RAB3GAP2: variants seen among roughly 807,000 people sequenced by gnomAD.
RAB3GAP2 encodes rab3 GTPase-activating protein non-catalytic subunit.
Under a neutral mutation model 185.3 loss-of-function variants are expected in RAB3GAP2, and 87 were observed. The ratio of observed to expected loss-of-function variants is 0.47; its 90% confidence interval spans 0.39 to 0.56. The LOEUF is 0.56. Among genes scored for constraint, RAB3GAP2 ranks in the 20% least tolerant of loss-of-function variants. The pLI is 0.00. For missense variants in RAB3GAP2, 1,492 were observed against 1,638.2 expected (o/e 0.91, Z 1.54); for synonymous variants, 554 against 576.1 (o/e 0.96, Z 0.55).
intron 2 of RAB3GAP2, among the ~76,000 whole-genome samples, chr1:220,217,329 C>T (rs1268645132): frequency 6.6e-6 from 1 of 152,032 alleles, no homozygotes; most frequent in Admixed American, 6.6e-5. Context: ...TTCTTTGAGT[C>T]GATTTACAGC....
intron 1 of RAB3GAP2, among the ~76,000 whole-genome samples, chr1:220,249,287 G>A (rs1659886295): frequency 6.6e-6 from 1 of 152,162 alleles, no homozygotes; most frequent in African/African-American, 2.4e-5. Context: ...AATGGTGACA[G>A]TGATAAGGAC....
chr1:220,227,162 T>C (rs533319374), intron 2 of RAB3GAP2, among the ~76,000 whole-genome samples: 2 of 152,356 alleles, frequency 1.3e-5, no homozygotes, highest in South Asian at 4.1e-4. Context: ...GAAATAGCTA[T>C]AGCAGAAAGA....
chr1:220,218,017 G>C (rs1339632644), intron 2 of RAB3GAP2, among the ~76,000 whole-genome samples: 1 of 152,158 alleles, frequency 6.6e-6, no homozygotes, highest in Admixed American at 6.5e-5. Context: ...ATTGGAAATA[G>C]ATGTCACTTG....
At chr1:220,187,659 T>G (rs561814516) in intron 17 of RAB3GAP2, among the ~76,000 whole-genome samples, 2 of 152,098 alleles carry the variant, frequency 1.3e-5, no homozygotes, top group African/African-American at 4.8e-5. Context: ...AGCTTCTGGA[T>G]AGCTGAACGT....
rs531885396 is a variant in RAB3GAP2 at position 220,226,240 on chromosome 1, G to T, written c.180+6559C>A. Among the ~76,000 whole-genome samples, 45 of 152,034 alleles carry T rather than the reference G, an allele frequency of 3.0e-4. No homozygotes were observed. The East Asian group carries it at 8.5e-3, about 29-fold the overall frequency. On this transcript the variant is annotated intron_variant, in intron 2 of 34. Coordinates refer to ENST00000358951, the MANE Select transcript of RAB3GAP2 (RefSeq NM_012414.4). The stretch of plus-strand genomic sequence containing the variant: ...CCCAAGTCTATACTTCCTACCATTG[G>T]CCTTAATACACCAATGAAGGAAAGT...
intron 33 of RAB3GAP2, among the ~76,000 whole-genome samples, chr1:220,152,421 A>G (rs1657774719): frequency 6.6e-6 from 1 of 152,206 alleles, no homozygotes; most frequent in Non-Finnish European, 1.5e-5. Flanking sequence ...ATGGGCTCCG[A>G]GACCTAGGAT....
chr1:220,189,208 G>C (rs2102868601), intron 17 of RAB3GAP2, among the ~76,000 whole-genome samples: 1 of 151,672 alleles, frequency 6.6e-6, no homozygotes, highest in South Asian at 2.1e-4. Flanking sequence ...TATATATAAT[G>C]TAGGGATGTG....
chr1:220,245,400 T>G (rs553221614), intron 1 of RAB3GAP2, among the ~76,000 whole-genome samples: 136 of 152,244 alleles, frequency 8.9e-4, no homozygotes, highest in East Asian at 4.7e-3. Context: ...TCAAAGAAAG[T>G]GGTGACGGAA....
At chr1:220,178,081 T>G (rs1376939112) in intron 21 of RAB3GAP2, among the ~76,000 whole-genome samples, 1 of 152,076 alleles carries the variant, frequency 6.6e-6, no homozygotes, top group African/African-American at 2.4e-5. Flanking sequence ...ATAGATCCAA[T>G]ATGCTTGGTA....
At chr1:220,229,086 G>A (rs1659453716) in intron 2 of RAB3GAP2, among the ~76,000 whole-genome samples, 2 of 152,128 alleles carry the variant, frequency 1.3e-5, no homozygotes, top group Admixed American at 1.3e-4. Context: ...TGCTTTACAG[G>A]TCAGATATAA....
At position 220,210,440 on chromosome 1, in the gene RAB3GAP2, T is replaced by G; in HGVS notation, c.560A>C (p.Gln187Pro). The change falls in exon 7 of 35, where the codon CAA (glutamine) becomes CCA (proline). Residue 187 changes from glutamine (Q) to proline (P), a missense_variant. By Grantham distance (76) the Gln-to-Pro change is moderately conservative. Transcript: ENST00000358951. ...AQLLNEDPVL[Q>P]LKCRTYEIPR... ...TATTTCATAGGTTCTGCATTTAAGT[T>G]GAAGTACTGGGTCCTCATTCAAAAG... The G allele has an allele frequency of 6.2e-7, 1 of 1,614,130 alleles. No individual in the cohort carries two copies. Among genetic ancestry groups the G allele is most frequent in the Non-Finnish European group, 8.5e-7 (1 of 1,179,982 alleles).
intron 1 of RAB3GAP2, chr1:220,267,595 T>C (rs1660252549): frequency 1.5e-6 from 2 of 1,373,786 alleles, no homozygotes; most frequent in Non-Finnish European, 2.1e-6. Flanking sequence ...TCAGGATTAT[T>C]TTCAGGTGCC....
intron 13 of RAB3GAP2, among the ~76,000 whole-genome samples, chr1:220,192,633 G>C (rs76848176): frequency 0.067 from 10,269 of 152,266 alleles, 475 homozygotes; most frequent in Middle Eastern, 0.11. Context: ...CAGTTGCCAG[G>C]AGAAGCCTTC....
chr1:220,261,806 G>A (rs1316036125), intron 1 of RAB3GAP2, among the ~76,000 whole-genome samples: 4 of 152,130 alleles, frequency 2.6e-5, no homozygotes, highest in Admixed American at 2.0e-4. Flanking sequence ...GCCCATAGCA[G>A]AGATTCTTAG....
At chr1:220,178,021 A>C (rs914249699) in intron 21 of RAB3GAP2, among the ~76,000 whole-genome samples, 3 of 152,206 alleles carry the variant, frequency 2.0e-5, no homozygotes, top group Non-Finnish European at 2.9e-5. Flanking sequence ...GTCAAAGACA[A>C]AGAGAGAATT....
intron 1 of RAB3GAP2, among the ~76,000 whole-genome samples, chr1:220,261,389 A>T (rs1051741725): frequency 1.3e-5 from 2 of 152,236 alleles, no homozygotes; most frequent in Non-Finnish European, 2.9e-5. Flanking sequence ...CACTGTGTAT[A>T]CTATAAAATA....
chr1:220,202,462 T>C, intron 8 of RAB3GAP2, 88 bp from the exon 9 acceptor site: 1 of 1,361,200 alleles, frequency 7.3e-7, no homozygotes, highest in African/African-American at 1.4e-5. Context: ...TAATTTGTTA[T>C]TCTAAAATTT....
chr1:220,188,734 T>C (rs1196036261), intron 17 of RAB3GAP2, among the ~76,000 whole-genome samples: 2 of 152,170 alleles, frequency 1.3e-5, no homozygotes, highest in Admixed American at 6.5e-5. Context: ...AGGAAATATG[T>C]ACATGGATAA....
At position 220,222,514 on chromosome 1, in the gene RAB3GAP2, T is replaced by C. The variant is rs572843013; in HGVS notation, c.181-8535A>G. On this transcript the variant is annotated intron_variant, in intron 2 of 34. Transcript: ENST00000358951. The stretch of plus-strand genomic sequence containing the variant: ...GAAAGACATGAACTCTTTCTAAATT[T>C]GATTTGAAGGGGCCCAAAGGAATTC... Among the ~76,000 whole-genome samples, 32 of 152,300 alleles carry C rather than the reference T, an allele frequency of 2.1e-4. 1 individual carries two copies. Among genetic ancestry groups the C allele is most frequent in the Non-Finnish European group, 4.1e-4 (28 of 68,024 alleles).
Sources: allele counts gnomAD v4.1 joint callset (sites outside exome capture counted in the v4.1 genomes callset), GRCh38; gene constraint gnomAD v4.1.1; transcripts MANE v1.5; gene names NCBI Gene and HGNC (gene_info 2026-07-23, HGNC 2026-07-21).